The following RB1 variants were observed in gnomAD, a reference collection of about 807,000 sequenced individuals.
RB1 encodes retinoblastoma-associated protein.
A neutral mutation model predicts 135.4 loss-of-function variants in RB1; 18 were observed. The observed-to-expected ratio is 0.13, with a 90% CI of 0.09 to 0.20. The LOEUF (loss-of-function observed/expected upper bound fraction) is 0.20, where lower values mean the gene tolerates loss of function less well. RB1 is among the 10% of genes least tolerant of loss of function. The pLI is 1.00. For missense variants in RB1, 868 were observed against 1,110.0 expected, an observed-to-expected ratio of 0.78 and a Z score of 3.10; for synonymous variants, 365 against 373.2, an observed-to-expected ratio of 0.98 and a Z score of 0.25.
At position 48,337,851 on chromosome 13, in the gene RB1, A is replaced by G. The variant is rs191364943; in HGVS notation, c.265-4748A>G. 5.5e-3 allele frequency among the ~76,000 whole-genome samples: 837 copies of G among 152,282 alleles called. 14 individuals are homozygous for G. The highest frequency in any genetic ancestry group is 0.019 in the African/African-American group (796 of 41,552). ...CCTTTCCATGTTTAGTGCTTCCTTC[A>G]GGAGCTCTTGTAAGGCAGGCCTGGT... On this transcript the variant is annotated intron_variant, in intron 2 of 26. Transcript: ENST00000267163.
At chr13:48,479,953 C>A (rs2138364160) in intron 26 of RB1, 45 bp from the exon 27 acceptor site, 1 of 1,538,484 alleles carries the variant, frequency 6.5e-7, no homozygotes. Flanking sequence ...TGCCAACTTA[C>A]CCAGTACCAT....
chr13:48,389,141 A>G (rs1385456311), intron 17 of RB1, among the ~76,000 whole-genome samples: 1 of 152,156 alleles, frequency 6.6e-6, no homozygotes, highest in Admixed American at 6.5e-5. Flanking sequence ...CCTCAGTGAC[A>G]GAGCAAGACT....
In RB1 at chr13:48,380,230, C is replaced by A. The variant is rs560971404; in HGVS notation, c.1487C>A (p.Ala496Asp). ...GCGTGCGCTCTTGAGGTTGTAATGG[C>A]CACATATAGCAGTAAGTTAAATTTT... ...LLACALEVVM[A>D]TYSRSTSQNL... Residue 496 changes from alanine to aspartate, a missense_variant, in exon 16 of 27, where the codon GCC (alanine) becomes GAC (aspartate). Coordinates refer to ENST00000267163, the MANE Select transcript of RB1 (RefSeq NM_000321.3). The A allele has an allele frequency of 6.3e-7, 1 of 1,595,334 alleles. No individual in the cohort carries two copies. Among genetic ancestry groups the A allele is most frequent in the Non-Finnish European group, 8.6e-7 (1 of 1,165,644 alleles).
Position 48,347,216 on chromosome 13 carries a change from T to C in RB1, c.501-609T>C, listed in dbSNP as rs186245873. 7.2e-5 allele frequency among the ~76,000 whole-genome samples: 11 copies of C among 152,172 alleles called. No individual in the cohort carries two copies. In the East Asian group the frequency reaches 7.7e-4, roughly 11 times the overall value. On this transcript the variant is annotated intron_variant, in intron 4 of 26. Coordinates refer to ENST00000267163, the MANE Select transcript of RB1 (RefSeq NM_000321.3). ...GTGATTTTGGTCAGAGAAAAAACCA[T>C]AGAAGGCAATGTCCGAATAGGGTTT...
chr13:48,330,079 A>G (rs567944415), intron 2 of RB1, among the ~76,000 whole-genome samples: 2 of 152,126 alleles, frequency 1.3e-5, no homozygotes, highest in Non-Finnish European at 2.9e-5. Flanking sequence ...TGAACAACCA[A>G]TAGTCAAATA....
At chr13:48,412,052 T>C (rs1593482841) in intron 17 of RB1, 2 of 1,613,274 alleles carry the variant, frequency 1.2e-6, no homozygotes, top group South Asian at 1.1e-5. Context: ...TTAGAGTCTT[T>C]GACTTAAATG....
intron 17 of RB1, among the ~76,000 whole-genome samples, chr13:48,449,576 AG>A (rs1949313173): frequency 6.6e-6 from 1 of 152,126 alleles, no homozygotes; most frequent in South Asian, 2.1e-4. Flanking sequence ...TGGACAACAT[AG>A]GGAGACCCTG....
chr13:48,326,297 A>G (rs755374495), intron 2 of RB1, among the ~76,000 whole-genome samples: 9 of 152,016 alleles, frequency 5.9e-5, no homozygotes, highest in South Asian at 2.1e-4. Flanking sequence ...CTGTATCTCA[A>G]TGAATAAAAA....
At chr13:48,333,737 A>G (rs374887041) in intron 2 of RB1, among the ~76,000 whole-genome samples, 1 of 150,232 alleles carries the variant, frequency 6.7e-6, no homozygotes, top group African/African-American at 2.5e-5. Context: ...AAAAAAAAGA[A>G]AAAAAAACAA....
intron 9 of RB1, among the ~76,000 whole-genome samples, chr13:48,365,614 T>A (rs1210157826): frequency 2.6e-5 from 4 of 152,184 alleles, no homozygotes; most frequent in Non-Finnish European, 5.9e-5. Context: ...ACAAAACCAG[T>A]GTTTTAGAAG....
intron 6 of RB1, 37 bp from the exon 7 acceptor site, chr13:48,359,980 C>A: frequency 6.2e-7 from 1 of 1,606,506 alleles, no homozygotes; most frequent in Non-Finnish European, 8.5e-7. Context: ...AGATCTGAAT[C>A]TCTAACTTTC....
chr13:48,453,660 C>T (rs1011027008), intron 18 of RB1, among the ~76,000 whole-genome samples: 1 of 152,064 alleles, frequency 6.6e-6, no homozygotes, highest in African/African-American at 2.4e-5. Context: ...AAGTTAAGGA[C>T]GTGCCCAGGA....
At chr13:48,366,904 A>G (rs1296503477) in intron 9 of RB1, among the ~76,000 whole-genome samples, 1 of 152,150 alleles carries the variant, frequency 6.6e-6, no homozygotes, top group Non-Finnish European at 1.5e-5. Context: ...GGATCACCTG[A>G]GGTCAGGAGT....
intron 17 of RB1, among the ~76,000 whole-genome samples, chr13:48,438,215 C>A (rs917614821): frequency 2.6e-5 from 4 of 152,132 alleles, no homozygotes; most frequent in African/African-American, 7.2e-5. Flanking sequence ...GCTTGTGTGC[C>A]AGGTGCCCTT....
chr13:48,305,965 A>G (rs1386697415), intron 1 of RB1, among the ~76,000 whole-genome samples: 2 of 152,216 alleles, frequency 1.3e-5, no homozygotes, highest in African/African-American at 4.8e-5. Flanking sequence ...TTGTTGAAAT[A>G]ATCAAAGGTT....
At chr13:48,345,551 C>T (rs191854132) in intron 4 of RB1, among the ~76,000 whole-genome samples, 4 of 152,048 alleles carry the variant, frequency 2.6e-5, no homozygotes, top group African/African-American at 9.7e-5. Context: ...TAGTTTGGAA[C>T]GAGAAAACAC....
chr13:48,388,481 C>T (rs1015582985), intron 17 of RB1, among the ~76,000 whole-genome samples: 2 of 152,052 alleles, frequency 1.3e-5, no homozygotes, highest in Non-Finnish European at 2.9e-5. Context: ...TTATCTTGTG[C>T]CAGGCACTTT....
chr13:48,444,264 C>G (rs532448612), intron 17 of RB1, among the ~76,000 whole-genome samples: 1 of 152,164 alleles, frequency 6.6e-6, no homozygotes, highest in South Asian at 2.1e-4. Flanking sequence ...AGCCTGTAAT[C>G]CCAGCACTTT....
At position 48,434,251 on chromosome 13, in the gene RB1, G is replaced by A. The variant is rs533576110; in HGVS notation, c.1696-18742G>A. On this transcript the variant is annotated intron_variant, in intron 17 of 26. Transcript: ENST00000267163. The stretch of plus-strand genomic sequence containing the variant: ...CAGTTGAGGCCAGTAGTTTGAGAAC[G>A]GCCTGGACAACATAGTGAGAATCTC... Among the ~76,000 whole-genome samples, 29 of 151,676 alleles carry A rather than the reference G, an allele frequency of 1.9e-4. No homozygotes were observed. In the East Asian group the frequency reaches 3.9e-3, roughly 20 times the overall value.
Sources: allele counts gnomAD v4.1 joint callset (sites outside exome capture counted in the v4.1 genomes callset), GRCh38; gene constraint gnomAD v4.1.1; transcripts MANE v1.5; gene names NCBI Gene and HGNC (gene_info 2026-07-23, HGNC 2026-07-21).